TTC7B: variants seen among roughly 807,000 people sequenced by gnomAD.
TTC7B encodes the protein tetratricopeptide repeat protein 7B.
In TTC7B, 28 loss-of-function variants were observed where a neutral mutation model predicts 106.8. The observed-to-expected ratio is 0.26, with a 90% CI of 0.19 to 0.36. TTC7B has a LOEUF of 0.36. Ranked by LOEUF, TTC7B falls within the 10% of genes least tolerant of loss-of-function variation. The pLI is 1.00. For missense variants in TTC7B, 862 were observed against 1,076.4 expected (o/e 0.80, Z 2.79); for synonymous variants, 405 against 430.6 (o/e 0.94, Z 0.74).
rs903551955 is a variant in TTC7B, at chr14:90,525,567, T to G, written c.*15801A>C. ...CCGGTCACCGAACGGGACGGCGGGA[T>G]GGCGGGGTCGATCTGTGCAGACGCT... On this transcript the variant is annotated 3_prime_UTR_variant, in exon 20 of 20. Coordinates refer to ENST00000328459, the MANE Select transcript of TTC7B (RefSeq NM_001010854.2). 1 of 151,102 alleles carries G rather than the reference T, an allele frequency of 6.6e-6. No individual in the cohort carries two copies. The highest frequency in any genetic ancestry group is 2.4e-5 in the African/African-American group (1 of 41,146). The allele number at this position is 151,102 out of a possible 1,614,324, so 9.4% of individuals were successfully genotyped here. A position where few individuals can be genotyped will look rare whatever the true frequency, so the allele number is the denominator to read the frequency against.
At chr14:90,689,501 C>T in intron 7 of TTC7B, 39 bp downstream of exon 7, 2 of 1,561,822 alleles carry the variant, frequency 1.3e-6, no homozygotes, top group Non-Finnish European at 8.7e-7. Context: ...GTTTTCCTCC[C>T]AACCCATAAC....
chr14:90,758,028 A>T (rs1356160460), intron 3 of TTC7B, among the ~76,000 whole-genome samples: 1 of 152,106 alleles, frequency 6.6e-6, no homozygotes, highest in Non-Finnish European at 1.5e-5. Flanking sequence ...ACATCGGTGA[A>T]GGCTCAGCTG....
chr14:90,758,095 G>A (rs1220403918), intron 3 of TTC7B, among the ~76,000 whole-genome samples: 1 of 151,930 alleles, frequency 6.6e-6, no homozygotes, highest in Non-Finnish European at 1.5e-5. Flanking sequence ...AGCTCGGCTT[G>A]GTGAGTCCCT....
intron 3 of TTC7B, among the ~76,000 whole-genome samples, chr14:90,746,955 G>A (rs199837990): frequency 1.3e-5 from 2 of 152,270 alleles, no homozygotes; most frequent in East Asian, 3.9e-4. Context: ...CCAAAGGAAG[G>A]ACTGGCCCTT....
At chr14:90,791,916 G>A (rs1210477139) in intron 1 of TTC7B, among the ~76,000 whole-genome samples, 1 of 151,890 alleles carries the variant, frequency 6.6e-6, no homozygotes, top group Admixed American at 6.6e-5. Flanking sequence ...TTGTTACAGG[G>A]GCCAAACTGG....
At chr14:90,592,011 T>A (rs1025223086) in intron 18 of TTC7B, among the ~76,000 whole-genome samples, 1 of 152,240 alleles carries the variant, frequency 6.6e-6, no homozygotes, top group Admixed American at 6.5e-5. Context: ...GAATATAATT[T>A]GTTAATTTAC....
At chr14:90,739,123 C>T (rs947607703) in intron 4 of TTC7B, among the ~76,000 whole-genome samples, 16 of 152,196 alleles carry the variant, frequency 1.1e-4, no homozygotes, top group African/African-American at 3.4e-4. Context: ...GTTTTCACTG[C>T]GTTGTAACCT....
At chr14:90,815,805 G>A (rs1408455815) in intron 1 of TTC7B, among the ~76,000 whole-genome samples, 3 of 151,836 alleles carry the variant, frequency 2.0e-5, no homozygotes, top group African/African-American at 7.3e-5. Context: ...ATGTCCTGAG[G>A]GACCCCCTCA....
intron 3 of TTC7B, among the ~76,000 whole-genome samples, chr14:90,762,662 C>T (rs1006807116): frequency 6.6e-6 from 1 of 152,172 alleles, no homozygotes; most frequent in Non-Finnish European, 1.5e-5. Flanking sequence ...CGGGTTTGCT[C>T]TATAATATGA....
intron 1 of TTC7B, among the ~76,000 whole-genome samples, chr14:90,790,838 G>A (rs1321253707): frequency 6.6e-6 from 1 of 152,120 alleles, no homozygotes; most frequent in East Asian, 1.9e-4. Context: ...TCCCAGCTGG[G>A]CCTCAGAGGA....
Position 90,608,568 on chromosome 14 carries a change from C to T in TTC7B, c.1966+2174G>A, listed in dbSNP as rs1892746678. On this transcript the variant is annotated intron_variant, in intron 17 of 19. Coordinates refer to ENST00000328459, the MANE Select transcript of TTC7B (RefSeq NM_001010854.2). The surrounding 1 kb of genome is among the most constrained non-coding windows in gnomAD (Gnocchi z 5.1). ...CTCTGGAAGTGAATGGTGGCCCACC[C>T]GAGAGACTGGCTGCATCAGTACCAC... 1.3e-5 allele frequency among the ~76,000 whole-genome samples: 2 copies of T among 152,094 alleles called. No homozygotes were observed. Among genetic ancestry groups the T allele is most frequent in the African/African-American group, 4.8e-5 (2 of 41,410 alleles).
intron 13 of TTC7B, 36 bp from the exon 14 acceptor site, chr14:90,647,059 A>G: frequency 6.3e-7 from 1 of 1,595,416 alleles, no homozygotes; most frequent in Non-Finnish European, 8.6e-7. Context: ...TACATGGGAG[A>G]GGAGGCCATT....
At chr14:90,623,241 C>T (rs1002262440) in intron 15 of TTC7B, among the ~76,000 whole-genome samples, 3 of 152,190 alleles carry the variant, frequency 2.0e-5, no homozygotes, top group Non-Finnish European at 4.4e-5. Flanking sequence ...AAAATAATAA[C>T]AATAATAACA....
intron 6 of TTC7B, among the ~76,000 whole-genome samples, chr14:90,691,857 A>G (rs896987565): frequency 5.0e-4 from 76 of 152,246 alleles, no homozygotes; most frequent in African/African-American, 1.8e-3. Context: ...CCTTTAGGCA[A>G]TCACTCCCCA....
At position 90,593,203 on chromosome 14, in the gene TTC7B, A is replaced by C. The variant is rs1469170340; in HGVS notation, c.2107+283T>G. On this transcript the variant is annotated intron_variant, in intron 18 of 19. Transcript: ENST00000328459. Reference sequence around the variant, plus strand: ...ACAGACCCTGCACCCCACATGGCAAACTCCCCAAGAATCCTTAGAGTCAAT... The same window carrying C: ...ACAGACCCTGCACCCCACATGGCAACCTCCCCAAGAATCCTTAGAGTCAAT... Among the ~76,000 whole-genome samples the C allele has an allele frequency of 4.6e-5, 7 of 152,104 alleles. No individual in the cohort carries two copies. The East Asian group carries it at 1.4e-3, about 29-fold the overall frequency.
chr14:90,649,664 AT>A (rs1885630106), intron 13 of TTC7B, among the ~76,000 whole-genome samples: 1 of 152,224 alleles, frequency 6.6e-6, no homozygotes, highest in East Asian at 1.9e-4. Flanking sequence ...CACATAATTA[AT>A]TCAGTTTCTC....
chr14:90,789,921 A>G (rs2140044744), intron 1 of TTC7B, among the ~76,000 whole-genome samples: 1 of 151,344 alleles, frequency 6.6e-6, no homozygotes, highest in Non-Finnish European at 1.5e-5. Context: ...AAATACTATC[A>G]GGTCAACATG....
intron 19 of TTC7B, 114 bp from the exon 20 acceptor site, chr14:90,541,703 T>C (rs1282767290): frequency 7.4e-6 from 6 of 813,866 alleles, no homozygotes; most frequent in African/African-American, 1.7e-5. Context: ...TATATCGCCA[T>C]TGGGCTGGGC....
intron 1 of TTC7B, among the ~76,000 whole-genome samples, chr14:90,798,291 G>C (rs1053354385): frequency 3.3e-5 from 5 of 152,128 alleles, no homozygotes; most frequent in Non-Finnish European, 1.5e-5. Flanking sequence ...AGCGAGCCCT[G>C]GCAAGCCCAG....
Sources: gnomAD v4.1 joint callset for allele counts (sites outside exome capture counted in the v4.1 genomes callset) on GRCh38, gnomAD v4.1.1 for gene constraint, Gnocchi (gnomAD v3.1) non-coding constraint, MANE v1.5 for transcripts, NCBI Gene and HGNC (gene_info 2026-07-23, HGNC 2026-07-21) for gene names.